The following ANAPC4 variants were observed in gnomAD, a reference collection of about 807,000 sequenced individuals.
The protein encoded by ANAPC4 is anaphase promoting complex subunit 4, also known as anaphase-promoting complex subunit 4.
Under a neutral mutation model 119.8 loss-of-function variants are expected in ANAPC4, and 63 were observed. That is an observed-to-expected ratio of 0.53 (90% CI 0.43 to 0.65). The LOEUF is 0.65. Among genes scored for constraint, ANAPC4 ranks in the 30% least tolerant of loss-of-function variants. ANAPC4 has a pLI of 0.00. For missense variants in ANAPC4, 716 were observed against 945.1 expected (o/e 0.76, Z 3.18); for synonymous variants, 283 against 318.6 (o/e 0.89, Z 1.19).
intron 16 of ANAPC4, among the ~76,000 whole-genome samples, chr4:25,400,928 A>G (rs1422801978): frequency 2.6e-5 from 4 of 152,082 alleles, no homozygotes; most frequent in Non-Finnish European, 5.9e-5. Flanking sequence ...GCAGTTGGTG[A>G]TGACAGCCTC....
At chr4:25,382,114 CTTTT>C (rs549784708) in intron 3 of ANAPC4, among the ~76,000 whole-genome samples, 2 of 82,294 alleles carry the variant, frequency 2.4e-5, no homozygotes, top group East Asian at 4.8e-4. Context: ...ATAGCTTTTT[CTTTT>C]TTTTCCCCCC....
chr4:25,407,193 C>A lies in ANAPC4; in HGVS notation c.1375-4C>A, dbSNP rs753173991. 6.3e-7 allele frequency: 1 copy of A among 1,597,138 alleles called. No homozygotes were observed. Among genetic ancestry groups the A allele is most frequent in the South Asian group, 1.1e-5 (1 of 87,812 alleles). ...AGAATTAAACTATGTTTATTTTTTTCCAGGCTCCAGACCTTTATAATCGAA... is the reference window on the plus strand; with the variant it reads ...AGAATTAAACTATGTTTATTTTTTTACAGGCTCCAGACCTTTATAATCGAA... On this transcript the variant is annotated splice_region_variant and splice_polypyrimidine_tract_variant and intron_variant, in intron 19 of 28. Coordinates refer to ENST00000315368, the MANE Select transcript of ANAPC4 (RefSeq NM_013367.3).
intron 10 of ANAPC4, 40 bp downstream of exon 10, chr4:25,392,461 C>A: frequency 6.7e-7 from 1 of 1,502,254 alleles, no homozygotes. Context: ...TATTTATTAT[C>A]GGCTTCTAAA....
intron 14 of ANAPC4, among the ~76,000 whole-genome samples, chr4:25,395,818 T>C (rs1033955364): frequency 9.2e-5 from 14 of 152,194 alleles, no homozygotes; most frequent in Non-Finnish European, 1.5e-5. Context: ...CACCCCTCCC[T>C]TGGACCACTG....
Position 25,405,678 on chromosome 4 carries a change from G to C in ANAPC4, c.1317+59G>C. On this transcript the variant is annotated intron_variant, in intron 18 of 28. Transcript: ENST00000315368. This position sits in a 1 kb window ranked among gnomAD's most constrained non-coding sequence, Gnocchi z 4.6. ...CATTGTCCTGCTTGAACTCAGCTGT[G>C]CTGGTCATTTTGGTACTCTTATTCA... 6.5e-7 allele frequency: 1 copy of C among 1,546,724 alleles called. No homozygotes were observed. The highest frequency in any genetic ancestry group is 1.1e-5 in the South Asian group (1 of 88,010).
At chr4:25,387,038 C>A (rs1722077199) in intron 4 of ANAPC4, among the ~76,000 whole-genome samples, 1 of 151,830 alleles carries the variant, frequency 6.6e-6, no homozygotes. Context: ...TCATCTGGAA[C>A]TTTTTTTTGT....
chr4:25,402,892 A>G (rs753884907), intron 16 of ANAPC4, 79 bp from the exon 17 acceptor site: 1 of 771,892 alleles, frequency 1.3e-6, no homozygotes, highest in Admixed American at 2.9e-5. Flanking sequence ...GGATTATGAT[A>G]TTTCCTGACA....
At chr4:25,406,972 A>C (rs1723284721) in intron 19 of ANAPC4, 87 bp downstream of exon 19, 1 of 1,133,714 alleles carries the variant, frequency 8.8e-7, no homozygotes, top group Non-Finnish European at 1.3e-6. Flanking sequence ...ATTTAACCCA[A>C]TTTAATTGAA....
chr4:25,395,028 C>T, intron 14 of ANAPC4, 123 bp downstream of exon 14: 1 of 701,714 alleles, frequency 1.4e-6, no homozygotes, highest in Non-Finnish European at 2.4e-6. Flanking sequence ...AAAATTGTTG[C>T]ATGGCATTTG....
At chr4:25,392,231 A>G in intron 9 of ANAPC4, 107 bp from the exon 10 acceptor site, 3 of 781,154 alleles carry the variant, frequency 3.8e-6, no homozygotes, top group Non-Finnish European at 6.6e-6. Flanking sequence ...AAGAGGGCAC[A>G]ATTCTGACAT....
At chr4:25,412,448 C>T (rs1723624407) in intron 21 of ANAPC4, among the ~76,000 whole-genome samples, 1 of 151,974 alleles carries the variant, frequency 6.6e-6, no homozygotes, top group Admixed American at 6.6e-5. Context: ...GGTGGCCAGC[C>T]CCTATCCTAA....
At chr4:25,390,061 T>C in intron 7 of ANAPC4, 75 bp from the exon 8 acceptor site, 1 of 1,050,642 alleles carries the variant, frequency 9.5e-7, no homozygotes, top group Non-Finnish European at 1.4e-6. Flanking sequence ...GCAGTAATAA[T>C]TTATATCTCG....
intron 16 of ANAPC4, among the ~76,000 whole-genome samples, chr4:25,400,253 TTGAGA>T (rs1203607341): frequency 6.6e-6 from 1 of 151,638 alleles, no homozygotes; most frequent in African/African-American, 2.4e-5. Context: ...AGGTAAAAAA[TTGAGA>T]TGAGAGAGGA....
At chr4:25,380,730 T>C in intron 3 of ANAPC4, 1 of 318,524 alleles carries the variant, frequency 3.1e-6, no homozygotes, top group Non-Finnish European at 5.7e-6. Flanking sequence ...AAGTGAAATC[T>C]GATGGAATAT....
Position 25,405,649 on chromosome 4 carries a change from T to A in ANAPC4, c.1317+30T>A, listed in dbSNP as rs1219426169. On this transcript the variant is annotated intron_variant, in intron 18 of 28. Transcript: ENST00000315368. The surrounding 1 kb of genome is among the most constrained non-coding windows in gnomAD (Gnocchi z 4.6). Reference sequence around the variant, plus strand: ...TATGTACTAGTGCATTTTCACAGTGTTCACATTGTCCTGCTTGAACTCAGC... The same window carrying A: ...TATGTACTAGTGCATTTTCACAGTGATCACATTGTCCTGCTTGAACTCAGC... The A allele has an allele frequency of 2.5e-6, 4 of 1,609,450 alleles. No homozygotes were observed. The highest frequency in any genetic ancestry group is 3.4e-6 in the Non-Finnish European group (4 of 1,176,268).
Position 25,407,127 on chromosome 4 carries a change from T to G in ANAPC4, c.1375-70T>G, listed in dbSNP as rs546547498. 173 of 1,349,632 alleles carry G rather than the reference T, an allele frequency of 1.3e-4. No individual in the cohort carries two copies. The African/African-American group carries it at 2.3e-3, about 18-fold the overall frequency. 83.6% of individuals were successfully genotyped at this position (1,349,632 alleles called of 1,614,324 possible). A position where few individuals can be genotyped will look rare whatever the true frequency, so the allele number is the denominator to read the frequency against. The stretch of plus-strand genomic sequence containing the variant: ...ACAGCTCTCTTGAAAAGGAAGGTTT[T>G]GGGTTTAAATTTAAGATATTTTTCT... On this transcript the variant is annotated intron_variant, in intron 19 of 28. Transcript: ENST00000315368.
chr4:25,396,505 C>T (rs1303834058), intron 14 of ANAPC4, among the ~76,000 whole-genome samples, 159 bp from the exon 15 acceptor site: 1 of 152,192 alleles, frequency 6.6e-6, no homozygotes, highest in Non-Finnish European at 1.5e-5. Flanking sequence ...GATGGTTCTG[C>T]TGCAGTTTTT....
At chr4:25,380,504 T>A (rs752392367) in intron 3 of ANAPC4, 25 bp downstream of exon 3, 4 of 1,534,682 alleles carry the variant, frequency 2.6e-6, no homozygotes, top group Non-Finnish European at 3.6e-6. Flanking sequence ...ACAAAAAAAA[T>A]ATGTTTTTAT....
Position 25,377,315 on chromosome 4 carries a change from G to C in ANAPC4, c.-40G>C. Reference sequence around the variant, plus strand: ...AGGGAGGGGAGAGGCCACTGGGGCCGTGTTAGTCTGCCGGTGGGGACTCTT... The same window carrying C: ...AGGGAGGGGAGAGGCCACTGGGGCCCTGTTAGTCTGCCGGTGGGGACTCTT... On this transcript the variant is annotated 5_prime_UTR_variant, in exon 1 of 29. Transcript: ENST00000315368. 1 of 1,436,890 alleles carries C rather than the reference G, an allele frequency of 7.0e-7. No individual in the cohort carries two copies. Among genetic ancestry groups the C allele is most frequent in the Admixed American group, 2.1e-5 (1 of 47,396 alleles). The allele number at this position is 1,436,890 out of a possible 1,614,324, so 89.0% of individuals were successfully genotyped here. A position where few individuals can be genotyped will look rare whatever the true frequency, so the allele number is the denominator to read the frequency against.
Sources: allele counts gnomAD v4.1 joint callset (sites outside exome capture counted in the v4.1 genomes callset), GRCh38; gene constraint gnomAD v4.1.1; non-coding constraint Gnocchi (gnomAD v3.1); transcripts MANE v1.5; gene names NCBI Gene and HGNC (gene_info 2026-07-23, HGNC 2026-07-21).